The following BTN2A2 variants were observed in gnomAD, a reference collection of about 807,000 sequenced individuals.
BTN2A2 encodes the protein butyrophilin subfamily 2 member A2, also known as butyrophilin 2.
A neutral mutation model predicts 34.7 loss-of-function variants in BTN2A2; 29 were observed. That is an observed-to-expected ratio of 0.84 (90% CI 0.62 to 1.14). The LOEUF (loss-of-function observed/expected upper bound fraction) is 1.14. Among genes scored for constraint, BTN2A2 ranks in the 50% most tolerant of loss-of-function variants. The pLI is 0.00. For synonymous variants in BTN2A2, 240 were observed against 253.1 expected, an observed-to-expected ratio of 0.95 and a Z score of 0.49; for missense variants, 612 against 651.5, an observed-to-expected ratio of 0.94 and a Z score of 0.66.
rs1761724182 is a variant in BTN2A2 at position 26,393,394 on chromosome 6, A to G, written c.*427A>G. On this transcript the variant is annotated 3_prime_UTR_variant, in exon 8 of 8. Coordinates refer to ENST00000356709, the MANE Select transcript of BTN2A2 (RefSeq NM_006995.5). ...AGAGAGGAATCCACAGGACCACCAGAAGGGAGAGGGAACCAGATATGCAGA... is the reference window on the plus strand; with the variant it reads ...AGAGAGGAATCCACAGGACCACCAGGAGGGAGAGGGAACCAGATATGCAGA... 5 of 1,130,226 alleles carry G rather than the reference A, an allele frequency of 4.4e-6. No homozygotes were observed. In the South Asian group the frequency reaches 8.8e-5, roughly 20 times the overall value. 70.0% of individuals were successfully genotyped at this position (1,130,226 alleles called of 1,614,324 possible). A position where few individuals can be genotyped will look rare whatever the true frequency, so the allele number is the denominator to read the frequency against.
At position 26,383,511 on chromosome 6, in the gene BTN2A2, C is replaced by T. The variant is rs1760989997; in HGVS notation, c.-30-281C>T. 3.1e-6 allele frequency: 1 copy of T among 320,912 alleles called. No individual in the cohort carries two copies. Among genetic ancestry groups the T allele is most frequent in the Non-Finnish European group, 5.8e-6 (1 of 171,912 alleles). 19.9% of individuals were successfully genotyped at this position (320,912 alleles called of 1,614,324 possible). A position where few individuals can be genotyped will look rare whatever the true frequency, so the allele number is the denominator to read the frequency against. ...TCTCGGGGAGGGGGAAGTGGAGGGA[C>T]GAGGGTGTGAAAGAATCCAGGGACA... On this transcript the variant is annotated intron_variant, in intron 1 of 7. Transcript: ENST00000356709. This position sits in a 1 kb window ranked among gnomAD's most constrained non-coding sequence, Gnocchi z 4.4.
rs1760998464 is a variant in BTN2A2 at position 26,383,658 on chromosome 6, T to C, written c.-30-134T>C. ...ACGGAATCCCTCTTTCGGAGATACCTGAGCCTTGAGATGCAAGCGACTCCC... is the reference window on the plus strand; with the variant it reads ...ACGGAATCCCTCTTTCGGAGATACCCGAGCCTTGAGATGCAAGCGACTCCC... On this transcript the variant is annotated intron_variant, in intron 1 of 7. Coordinates refer to ENST00000356709, the MANE Select transcript of BTN2A2 (RefSeq NM_006995.5). This position sits in a 1 kb window ranked among gnomAD's most constrained non-coding sequence, Gnocchi z 4.4. The C allele has an allele frequency of 4.3e-6, 3 of 699,228 alleles. No individual in the cohort carries two copies. The East Asian group carries it at 7.5e-5, about 17-fold the overall frequency. The allele number at this position is 699,228 out of a possible 1,614,324, so 43.3% of individuals were successfully genotyped here.
chr6:26,391,181 G>A (rs1237115968), intron 7 of BTN2A2: 2 of 436,708 alleles, frequency 4.6e-6, no homozygotes, highest in Non-Finnish European at 8.4e-6. Flanking sequence ...TGCTGTCTTA[G>A]CAATTCATAT....
intron 5 of BTN2A2, 76 bp from the exon 6 acceptor site, chr6:26,390,611 C>T (rs1761516122): frequency 3.2e-6 from 5 of 1,585,542 alleles, no homozygotes; most frequent in Non-Finnish European, 4.3e-6. Context: ...ATGGTTCCTA[C>T]GTTGTTTAAT....
intron 4 of BTN2A2, among the ~76,000 whole-genome samples, chr6:26,388,986 AG>A: frequency 6.6e-6 from 1 of 152,158 alleles, no homozygotes; most frequent in South Asian, 2.1e-4. Context: ...CGAGTGCGGT[AG>A]CAGGCGCCTG....
chr6:26,392,039 C>T (rs956485920), intron 7 of BTN2A2: 1 of 646,386 alleles, frequency 1.5e-6, no homozygotes, highest in Admixed American at 3.0e-5. Flanking sequence ...AAAGAAAGTC[C>T]CAGAGATCAT....
At position 26,392,491 on chromosome 6, in the gene BTN2A2, G is replaced by A. The variant is rs200468059; in HGVS notation, c.1096G>A (p.Asp366Asn). ...QRVPDNPERF[D>N]SQPCVLGWES... ...AGTGCCTGACAACCCAGAGAGATTC[G>A]ACAGTCAGCCTTGTGTCCTGGGATG... The change falls in exon 8 of 8, where the codon GAC (aspartate) becomes AAC (asparagine). Residue 366 changes from aspartate to asparagine, a missense_variant. Coordinates refer to ENST00000356709, the MANE Select transcript of BTN2A2 (RefSeq NM_006995.5). The A allele has an allele frequency of 3.0e-5, 49 of 1,614,232 alleles. No individual in the cohort carries two copies. The highest frequency in any genetic ancestry group is 1.1e-4 in the African/African-American group (8 of 75,058).
At chr6:26,388,915 T>C (rs1297291617) in intron 4 of BTN2A2, among the ~76,000 whole-genome samples, 1 of 151,904 alleles carries the variant, frequency 6.6e-6, no homozygotes, top group Non-Finnish European at 1.5e-5. Flanking sequence ...AGTTCGGGAG[T>C]TCAGGACCAG....
At position 26,392,958 on chromosome 6, in the gene BTN2A2, G is replaced by C. The variant is rs1448846279; in HGVS notation, c.1563G>C (p.Gln521His). The C allele has an allele frequency of 1.5e-5, 24 of 1,614,152 alleles. No individual in the cohort carries two copies. Among genetic ancestry groups the C allele is most frequent in the Non-Finnish European group, 2.0e-5 (24 of 1,180,020 alleles). Residue 521 changes from glutamine (Q) to histidine (H), a missense_variant, in exon 8 of 8, where the codon CAG (glutamine) becomes CAC (histidine). Gln to His is a conservative substitution (Grantham distance 24). Coordinates refer to ENST00000356709, the MANE Select transcript of BTN2A2 (RefSeq NM_006995.5). ...AACTTCACAGAGTGGGGACCCACCA[G>C]AGCCTATAGAATCAATTCCTTGGAC... ...GLKLHRVGTH[Q>H]SL is the part of the protein sequence containing the mutation.
rs73736234 is a variant in BTN2A2, at chr6:26,383,832, C to T, written c.11C>T (p.Ala4Val). 11,699 of 1,614,050 alleles carry T rather than the reference C, an allele frequency of 7.2e-3. 90 individuals are homozygous for T. The highest frequency in any genetic ancestry group is 0.028 in the African/African-American group (2,081 of 74,986). ...CTGCCCTGGGTGCTCATGGAACCAG[C>T]TGCTGCTCTGCACTTCTCCCTGCCA... Reference protein sequence around the residue: MEPAAALHFSLPAS... With the variant: MEPVAALHFSLPAS... Residue 4 changes from alanine (A) to valine (V), a missense_variant, in exon 2 of 8, where the codon GCT becomes GTT. Coordinates refer to ENST00000356709, the MANE Select transcript of BTN2A2 (RefSeq NM_006995.5). This position sits in a 1 kb window ranked among gnomAD's most constrained non-coding sequence, Gnocchi z 4.4.
chr6:26,385,761 A>G (rs972951500), intron 3 of BTN2A2, among the ~76,000 whole-genome samples: 4 of 152,096 alleles, frequency 2.6e-5, no homozygotes, highest in African/African-American at 9.7e-5. Flanking sequence ...CCATGTTGGC[A>G]GGCTGGTCTC....
Position 26,394,654 on chromosome 6 carries a change from G to GCTA in BTN2A2, c.*1689_*1691dup. ...GGCTTTCAGACTTAAACTGAGCCAT[G>GCTA]CTACCAGCATCCCAGGGTCTCCAGC... On this transcript the variant is annotated 3_prime_UTR_variant, in exon 8 of 8. Transcript: ENST00000356709. The GCTA allele has an allele frequency of 3.3e-6, 1 of 298,654 alleles. No individual in the cohort carries two copies. The highest frequency in any genetic ancestry group is 6.2e-6 in the Non-Finnish European group (1 of 162,100). The allele number at this position is 298,654 out of a possible 1,614,324, so 18.5% of individuals were successfully genotyped here.
At position 26,388,203 on chromosome 6, in the gene BTN2A2, G is replaced by C; in HGVS notation, c.633G>C (p.Val211=). The change falls in exon 4 of 8, where the codon GTG becomes GTC. Residue 211 remains valine, a synonymous_variant. Transcript: ENST00000356709. ...ADGLFMVTTA[V]IIRDKYVRNV... is the part of the protein sequence containing the mutation. ...GCCTCTTCATGGTCACCACAGCTGT[G>C]ATCATCAGAGACAAGTATGTGAGGA... 1 of 1,614,204 alleles carries C rather than the reference G, an allele frequency of 6.2e-7. No individual in the cohort carries two copies. Among genetic ancestry groups the C allele is most frequent in the Non-Finnish European group, 8.5e-7 (1 of 1,180,038 alleles).
Position 26,383,743 on chromosome 6 carries a change from A to G in BTN2A2, c.-30-49A>G, listed in dbSNP as rs1373418045. 4 of 1,470,840 alleles carry G rather than the reference A, an allele frequency of 2.7e-6. No homozygotes were observed. The highest frequency in any genetic ancestry group is 3.8e-6 in the Non-Finnish European group (4 of 1,050,820). The allele number at this position is 1,470,840 out of a possible 1,614,324, so 91.1% of individuals were successfully genotyped here. A position where few individuals can be genotyped will look rare whatever the true frequency, so the allele number is the denominator to read the frequency against. Reference sequence around the variant, plus strand: ...ACAGGAGAGGTTGGGCCCGACCAGCACTGAGGTGCCAAGACTCCTAGGCTG... The same window carrying G: ...ACAGGAGAGGTTGGGCCCGACCAGCGCTGAGGTGCCAAGACTCCTAGGCTG... On this transcript the variant is annotated intron_variant, in intron 1 of 7. Coordinates refer to ENST00000356709, the MANE Select transcript of BTN2A2 (RefSeq NM_006995.5). This position sits in a 1 kb window ranked among gnomAD's most constrained non-coding sequence, Gnocchi z 4.4.
intron 6 of BTN2A2, 23 bp downstream of exon 6, chr6:26,390,730 T>C: frequency 1.9e-6 from 3 of 1,614,266 alleles, no homozygotes; most frequent in Non-Finnish European, 2.5e-6. Flanking sequence ...TTTCCTGAAC[T>C]ACTCCGTGTA....
chr6:26,386,304 A>C (rs1761198961), intron 3 of BTN2A2, among the ~76,000 whole-genome samples: 1 of 152,184 alleles, frequency 6.6e-6, no homozygotes, highest in Non-Finnish European at 1.5e-5. Flanking sequence ...ACACTAAGTG[A>C]TTACCTCAGT....
At position 26,390,110 on chromosome 6, in the gene BTN2A2, T is replaced by C. The variant is rs1349742710; in HGVS notation, c.830T>C (p.Ile277Thr). 8 of 1,614,052 alleles carry C rather than the reference T, an allele frequency of 5.0e-6. No homozygotes were observed. The highest frequency in any genetic ancestry group is 5.9e-6 in the Non-Finnish European group (7 of 1,180,034). ...ACTGTCATCCTGGCTGTTTTCATCA[T>C]CTTCATGGCTGTCAGCATCTGTTGC... ...SMTVILAVFI[I>T]FMAVSICCIK... The change falls in exon 5 of 8, where the codon ATC becomes ACC. Residue 277 changes from isoleucine (I) to threonine (T), a missense_variant. Ile to Thr is a moderately conservative substitution (Grantham distance 89). Transcript: ENST00000356709.
chr6:26,390,261 G>A, intron 5 of BTN2A2, 50 bp downstream of exon 5: 2 of 1,559,068 alleles, frequency 1.3e-6, no homozygotes, highest in African/African-American at 1.4e-5. Flanking sequence ...AATTCAAAAA[G>A]AAAAGTTAAA....
intron 3 of BTN2A2, chr6:26,385,624 C>T (rs1053059897): frequency 1.4e-5 from 5 of 367,372 alleles, no homozygotes; most frequent in African/African-American, 2.1e-5. Flanking sequence ...GATCTTGGCT[C>T]ACTGCAACCT....
Sources: allele counts gnomAD v4.1 joint callset (sites outside exome capture counted in the v4.1 genomes callset), GRCh38; gene constraint gnomAD v4.1.1; non-coding constraint Gnocchi (gnomAD v3.1); transcripts MANE v1.5; gene names NCBI Gene and HGNC (gene_info 2026-07-23, HGNC 2026-07-21).